ATP13A3: variants seen among roughly 807,000 people sequenced by gnomAD.
ATP13A3 encodes ATPase 13A3.
Under a neutral mutation model 158.1 loss-of-function variants are expected in ATP13A3, and 59 were observed. That is an observed-to-expected ratio of 0.37 (90% CI 0.30 to 0.46). The LOEUF is 0.46. ATP13A3 is among the 20% of genes least tolerant of loss of function. ATP13A3 has a pLI of 1.00. For synonymous variants in ATP13A3, 491 were observed against 504.3 expected, an observed-to-expected ratio of 0.97 and a Z score of 0.35; for missense variants, 1,166 against 1,525.2, an observed-to-expected ratio of 0.76 and a Z score of 3.92.
chr3:194,453,594 C>A, intron 10 of ATP13A3, 112 bp downstream of exon 10: 2 of 782,684 alleles, frequency 2.6e-6, no homozygotes, highest in Non-Finnish European at 2.1e-6. Context: ...GACACTGACT[C>A]AATCAATCAA....
chr3:194,437,130 T>C lies in ATP13A3; in HGVS notation c.2085A>G (p.Ser695=), dbSNP rs756985243. The C allele has an allele frequency of 1.9e-6, 3 of 1,614,222 alleles. No individual in the cohort carries two copies. Among genetic ancestry groups the C allele is most frequent in the Non-Finnish European group, 2.5e-6 (3 of 1,180,042 alleles). ...TCTGTACTTTATGCCATGTCAGTTT[T>C]GACTCCAATTTTCTGTGTGCAAGAG... ...VIALAHRKLE[S]KLTWHKVQNI... The change falls in exon 20 of 34, where the codon TCA becomes TCG. Residue 695 remains serine, a synonymous_variant. Coordinates refer to ENST00000645319, the MANE Select transcript of ATP13A3 (RefSeq NM_001367549.1).
At chr3:194,425,823 C>T (rs1716727949) in intron 29 of ATP13A3, among the ~76,000 whole-genome samples, 2 of 152,128 alleles carry the variant, frequency 1.3e-5, no homozygotes, top group African/African-American at 4.8e-5. Flanking sequence ...AGAGTGAAAA[C>T]AGAGACAATG....
intron 17 of ATP13A3, among the ~76,000 whole-genome samples, chr3:194,438,643 T>A (rs1717829445): frequency 6.6e-6 from 1 of 152,174 alleles, no homozygotes; most frequent in South Asian, 2.1e-4. Flanking sequence ...GAGAATTAAA[T>A]GTAAGTAAGC....
chr3:194,440,868 T>C lies in ATP13A3; in HGVS notation c.1710+443A>G, dbSNP rs60594347. ...AAATTAAAAGTCCCAATGGCAAAAA[T>C]AGAAGGAAGTTATAAACAAACAAAA... On this transcript the variant is annotated intron_variant, in intron 16 of 33. Coordinates refer to ENST00000645319, the MANE Select transcript of ATP13A3 (RefSeq NM_001367549.1). 2.3e-3 allele frequency among the ~76,000 whole-genome samples: 351 copies of C among 151,970 alleles called. 2 individuals are homozygous for C. Among genetic ancestry groups the C allele is most frequent in the African/African-American group, 8.1e-3 (334 of 41,434 alleles).
rs1432508903 is a variant in ATP13A3, at chr3:194,419,890, G to C, written c.3391C>G (p.Gln1131Glu). The change falls in exon 31 of 34, where the codon CAG becomes GAG. Residue 1131 changes from glutamine to glutamate, a missense_variant. By Grantham distance (29) the Gln-to-Glu change is conservative. Transcript: ENST00000645319. ...TGCTTAAGTCTTACCTGAAGAACCT[G>C]GTCAACAGAGGCAACTGGATACAAC... ...IMLYPVASVD[Q>E]VLQIVCVPYQ... 1 of 1,562,810 alleles carries C rather than the reference G, an allele frequency of 6.4e-7. No homozygotes were observed. The highest frequency in any genetic ancestry group is 1.2e-5 in the South Asian group (1 of 80,470).
intron 30 of ATP13A3, among the ~76,000 whole-genome samples, chr3:194,424,872 G>A (rs756957931): frequency 4.6e-5 from 7 of 152,134 alleles, no homozygotes; most frequent in African/African-American, 9.7e-5. Flanking sequence ...CACCAGCGTC[G>A]GAAATGAAGA....
chr3:194,461,609 T>C (rs1336858318), intron 3 of ATP13A3, among the ~76,000 whole-genome samples: 3 of 152,228 alleles, frequency 2.0e-5, no homozygotes, highest in African/African-American at 7.2e-5. Flanking sequence ...GGTGGCCCAC[T>C]TAAATTTAAA....
intron 2 of ATP13A3, among the ~76,000 whole-genome samples, chr3:194,465,458 T>C (rs1360583969): frequency 6.6e-6 from 1 of 152,074 alleles, no homozygotes; most frequent in African/African-American, 2.4e-5. Context: ...CCACCCAAAA[T>C]GATTAAGGGA....
At chr3:194,472,854 G>A (rs1176805725) in intron 2 of ATP13A3, among the ~76,000 whole-genome samples, 3 of 152,138 alleles carry the variant, frequency 2.0e-5, no homozygotes, top group South Asian at 2.1e-4. Flanking sequence ...GCAGTAACAC[G>A]GATGCAGCTG....
rs780256077 is a variant in ATP13A3 at position 194,437,131 on chromosome 3, G to A, written c.2084C>T (p.Ser695Leu). The A allele has an allele frequency of 1.5e-5, 25 of 1,613,980 alleles. No homozygotes were observed. Among genetic ancestry groups the A allele is most frequent in the Non-Finnish European group, 1.9e-5 (23 of 1,180,024 alleles). Residue 695 changes from serine (S) to leucine (L), a missense_variant, in exon 20 of 34, where the codon TCA becomes TTA. Transcript: ENST00000645319. ...CTGTACTTTATGCCATGTCAGTTTT[G>A]ACTCCAATTTTCTGTGTGCAAGAGC... Reference protein sequence around the residue: ...VIALAHRKLESKLTWHKVQNI... With the variant: ...VIALAHRKLELKLTWHKVQNI...
upstream of ATP13A3, among the ~76,000 whole-genome samples, chr3:194,490,911 C>T (rs1721138769): frequency 1.3e-5 from 2 of 152,140 alleles, no homozygotes; most frequent in South Asian, 4.1e-4. This position sits in a 1 kb window ranked among gnomAD's most constrained non-coding sequence, Gnocchi z 4.4. Context: ...TTTGGGAGGC[C>T]GAGGCGGGCG....
chr3:194,415,669 T>G (rs1017077331), intron 31 of ATP13A3, among the ~76,000 whole-genome samples: 1 of 136,014 alleles, frequency 7.4e-6, no homozygotes, highest in Admixed American at 7.2e-5. Context: ...TTCTTTTTTT[T>G]TTTTTTTTTT....
chr3:194,414,676 C>T (rs760791162), intron 31 of ATP13A3, among the ~76,000 whole-genome samples: 3 of 151,880 alleles, frequency 2.0e-5, no homozygotes, highest in East Asian at 1.9e-4. Flanking sequence ...TGGCTGGCTA[C>T]GGAAAGAGGA....
Position 194,448,423 on chromosome 3 carries a change from C to A in ATP13A3, c.1150+34G>T. ...TTAGTAGGTATCAAATATGCTGAAA[C>A]ATGCAAAAAGAGATTAATTAAGATG... On this transcript the variant is annotated intron_variant, in intron 12 of 33. Coordinates refer to ENST00000645319, the MANE Select transcript of ATP13A3 (RefSeq NM_001367549.1). The surrounding 1 kb of genome is among the most constrained non-coding windows in gnomAD (Gnocchi z 4.0). The A allele has an allele frequency of 6.3e-7, 1 of 1,597,228 alleles. No individual in the cohort carries two copies. Among genetic ancestry groups the A allele is most frequent in the Non-Finnish European group, 8.6e-7 (1 of 1,165,516 alleles).
intron 20 of ATP13A3, among the ~76,000 whole-genome samples, 177 bp from the exon 21 acceptor site, chr3:194,434,073 C>T (rs990254715): frequency 6.6e-6 from 1 of 152,168 alleles, no homozygotes; most frequent in Non-Finnish European, 1.5e-5. Context: ...TTCAAGAGTT[C>T]AGTATCTCAA....
intron 21 of ATP13A3, 122 bp downstream of exon 21, chr3:194,433,650 A>G (rs1717411018): frequency 1.5e-5 from 18 of 1,239,884 alleles, no homozygotes; most frequent in East Asian, 4.8e-5. Flanking sequence ...GCTAAAAGAG[A>G]ACTTAGGTTG....
In ATP13A3 at chr3:194,404,086, A is replaced by T. The variant is rs201096434; in HGVS notation, c.*1833T>A. 4.4e-6 allele frequency: 2 copies of T among 452,032 alleles called. No individual in the cohort carries two copies. Among genetic ancestry groups the T allele is most frequent in the Non-Finnish European group, 8.9e-6 (2 of 225,810 alleles). The allele number at this position is 452,032 out of a possible 1,614,324, so 28.0% of individuals were successfully genotyped here. The stretch of plus-strand genomic sequence containing the variant: ...ATTGTGGAAATCACTGAAGAATAAC[A>T]CGAGCATATTTGAAATTAATATGGA... On this transcript the variant is annotated 3_prime_UTR_variant, in exon 34 of 34. Coordinates refer to ENST00000645319, the MANE Select transcript of ATP13A3 (RefSeq NM_001367549.1).
intron 16 of ATP13A3, among the ~76,000 whole-genome samples, chr3:194,441,075 C>T (rs181047253): frequency 6.6e-6 from 1 of 152,260 alleles, no homozygotes; most frequent in African/African-American, 2.4e-5. Flanking sequence ...AAAGCAGGGG[C>T]CTGAGCTGGT....
At chr3:194,457,276 C>G (rs1719297087) in intron 6 of ATP13A3, 102 bp from the exon 7 acceptor site, 15 of 751,920 alleles carry the variant, frequency 2.0e-5, no homozygotes, top group Non-Finnish European at 2.8e-5. Flanking sequence ...GTGTGACTTC[C>G]TTACAAATCC....
Sources: allele counts gnomAD v4.1 joint callset (sites outside exome capture counted in the v4.1 genomes callset), GRCh38; gene constraint gnomAD v4.1.1; non-coding constraint Gnocchi (gnomAD v3.1); transcripts MANE v1.5; gene names NCBI Gene and HGNC (gene_info 2026-07-23, HGNC 2026-07-21).